Variants in DOCK1 observed in about 807,000 individuals in gnomAD.
DOCK1 encodes dedicator of cytokinesis protein 1.
A neutral mutation model predicts 262.7 loss-of-function variants in DOCK1; 138 were observed. The observed-to-expected ratio is 0.53, with a 90% CI of 0.46 to 0.61. DOCK1 has a LOEUF of 0.61. Ranked by LOEUF, DOCK1 falls within the 20% of genes least tolerant of loss-of-function variation. The pLI is 0.00. For synonymous variants in DOCK1, 866 were observed against 867.4 expected, an observed-to-expected ratio of 1.00 and a Z score of 0.03; for missense variants, 1,908 against 2,370.7, an observed-to-expected ratio of 0.80 and a Z score of 4.05.
chr10:127,090,234 G>T (rs530195683), intron 23 of DOCK1, among the ~76,000 whole-genome samples: 1 of 152,280 alleles, frequency 6.6e-6, no homozygotes, highest in Non-Finnish European at 1.5e-5. Context: ...TGGGTACCAG[G>T]CAGTGGCACC....
chr10:126,997,633 A>G (rs763148104), intron 7 of DOCK1, among the ~76,000 whole-genome samples: 1 of 151,846 alleles, frequency 6.6e-6, no homozygotes, highest in Non-Finnish European at 1.5e-5. Context: ...TCCCACCAGT[A>G]TATATATATA....
At chr10:127,027,383 C>T (rs2042942206) in intron 16 of DOCK1, among the ~76,000 whole-genome samples, 2 of 152,132 alleles carry the variant, frequency 1.3e-5, no homozygotes, top group Admixed American at 1.3e-4. Context: ...TGCTTGAGCC[C>T]CGGAGTTTGA....
chr10:127,154,875 T>C (rs1424034234), intron 27 of DOCK1, among the ~76,000 whole-genome samples: 2 of 152,350 alleles, frequency 1.3e-5, no homozygotes, highest in East Asian at 3.9e-4. Flanking sequence ...GGAGTTGCCT[T>C]GGCTGTTTCT....
intron 14 of DOCK1, among the ~76,000 whole-genome samples, chr10:127,024,484 T>C (rs1457444255): frequency 6.6e-6 from 1 of 152,104 alleles, no homozygotes; most frequent in African/African-American, 2.4e-5. Context: ...ATCAAGATCT[T>C]CAATGTGTGA....
intron 27 of DOCK1, among the ~76,000 whole-genome samples, chr10:127,231,616 C>T (rs902454104): frequency 3.3e-5 from 5 of 152,052 alleles, no homozygotes; most frequent in African/African-American, 1.2e-4. Context: ...TGCCATTTAG[C>T]TAGAGGCTTG....
chr10:127,243,643 G>C (rs1466229829), intron 27 of DOCK1, among the ~76,000 whole-genome samples: 3 of 152,282 alleles, frequency 2.0e-5, no homozygotes, highest in East Asian at 1.9e-4. Context: ...GGAGGGCTGG[G>C]GGTGTGCGGG....
chr10:127,397,124 A>G (rs895410943), intron 38 of DOCK1, among the ~76,000 whole-genome samples: 4 of 140,562 alleles, frequency 2.8e-5, no homozygotes, highest in Non-Finnish European at 3.0e-5. Flanking sequence ...GGTGTCTCCT[A>G]TGTGATCTGA....
chr10:127,256,481 C>G (rs1375828013), intron 28 of DOCK1, among the ~76,000 whole-genome samples: 2 of 152,066 alleles, frequency 1.3e-5, no homozygotes, highest in Admixed American at 6.6e-5. Context: ...CATTTCCTAC[C>G]TTGAGTGTTG....
intron 27 of DOCK1, among the ~76,000 whole-genome samples, chr10:127,167,927 G>A (rs1172057532): frequency 6.6e-6 from 1 of 152,178 alleles, no homozygotes; most frequent in Non-Finnish European, 1.5e-5. Context: ...TTGGAGGGTT[G>A]CTTCCCAGTA....
intron 13 of DOCK1, among the ~76,000 whole-genome samples, chr10:127,021,766 G>A (rs1398378530): frequency 1.3e-5 from 2 of 152,012 alleles, no homozygotes; most frequent in African/African-American, 2.4e-5. Context: ...TGATGATAAT[G>A]ACTTTTAAAT....
At chr10:126,997,736 T>C (rs1591584127) in intron 7 of DOCK1, 1 of 246,196 alleles carries the variant, frequency 4.1e-6, no homozygotes, top group African/African-American at 2.2e-5. Flanking sequence ...TACCAAATGT[T>C]GAAGACATAA....
rs182262680 is a variant in DOCK1, at chr10:127,219,705, A to G, written c.2848-28303A>G. Among the ~76,000 whole-genome samples, 154 of 152,208 alleles carry G rather than the reference A, an allele frequency of 1.0e-3. 2 individuals are homozygous for G. In the East Asian group the frequency reaches 0.021, roughly 21 times the overall value. ...CTGTCTCTATGAGTTTGGTTACTCT[A>G]GGTTATTGGGCCAATTTTGACAGCC... On this transcript the variant is annotated intron_variant, in intron 27 of 51. Coordinates refer to ENST00000623213, the MANE Select transcript of DOCK1 (RefSeq NM_001290223.2).
chr10:127,062,082 G>T (rs1056368325), intron 23 of DOCK1, among the ~76,000 whole-genome samples: 1 of 151,734 alleles, frequency 6.6e-6, no homozygotes, highest in Non-Finnish European at 1.5e-5. Flanking sequence ...GACTACAGGC[G>T]CATGCCACCA....
At chr10:127,037,846 G>C in intron 19 of DOCK1, 30 bp downstream of exon 19, 1 of 1,401,422 alleles carries the variant, frequency 7.1e-7, no homozygotes, top group Non-Finnish European at 9.5e-7. Context: ...GACTTTTTGG[G>C]TCTTTTTTTT....
intron 27 of DOCK1, among the ~76,000 whole-genome samples, chr10:127,244,285 C>G (rs2059359891): frequency 6.6e-6 from 1 of 152,078 alleles, no homozygotes; most frequent in South Asian, 2.1e-4. Flanking sequence ...TCTTGCAACC[C>G]TACAAAATAT....
At chr10:126,915,348 A>G (rs956191004) in intron 1 of DOCK1, among the ~76,000 whole-genome samples, 2 of 150,176 alleles carry the variant, frequency 1.3e-5, no homozygotes, top group East Asian at 2.0e-4. Flanking sequence ...CTTATGTCCT[A>G]TAGATTTCAG....
chr10:127,391,586 A>G (rs567039257), intron 38 of DOCK1, among the ~76,000 whole-genome samples: 33 of 144,646 alleles, frequency 2.3e-4, no homozygotes, highest in Non-Finnish European at 3.9e-4. Flanking sequence ...TTTGCTCCTC[A>G]GGATCTGTCT....
intron 42 of DOCK1, 99 bp from the exon 43 acceptor site, chr10:127,410,741 C>T: frequency 9.6e-7 from 1 of 1,039,490 alleles, no homozygotes; most frequent in Non-Finnish European, 1.4e-6. Context: ...GGACATTTTA[C>T]AGGAGGCAGT....
At chr10:127,159,572 G>C (rs1351738230) in intron 27 of DOCK1, among the ~76,000 whole-genome samples, 1 of 152,102 alleles carries the variant, frequency 6.6e-6, no homozygotes, top group Non-Finnish European at 1.5e-5. Flanking sequence ...GGGGCATGCA[G>C]GTCTTCAGTT....
Sources: allele counts gnomAD v4.1 joint callset (sites outside exome capture counted in the v4.1 genomes callset), GRCh38; gene constraint gnomAD v4.1.1; transcripts MANE v1.5; gene names NCBI Gene and HGNC (gene_info 2026-07-23, HGNC 2026-07-21).